Variants in PDE7A observed in about 807,000 individuals in gnomAD.
The protein encoded by PDE7A is phosphodiesterase 7A.
A neutral mutation model predicts 64.3 loss-of-function variants in PDE7A; 39 were observed. The ratio of observed to expected loss-of-function variants is 0.61; its 90% confidence interval spans 0.47 to 0.79. The LOEUF (loss-of-function observed/expected upper bound fraction) is 0.79. Ranked by LOEUF, PDE7A falls within the 30% of genes least tolerant of loss-of-function variation. PDE7A has a pLI of 0.00. For missense variants in PDE7A, 470 were observed against 582.8 expected, an observed-to-expected ratio of 0.81 and a Z score of 1.99; for synonymous variants, 203 against 206.8, an observed-to-expected ratio of 0.98 and a Z score of 0.16.
intron 3 of PDE7A, among the ~76,000 whole-genome samples, chr8:65,750,474 C>CTGTGTGTGTGTGTGTGTG (rs371620919): frequency 8.0e-4 from 114 of 142,710 alleles, no homozygotes; most frequent in Non-Finnish European, 9.3e-4. Context: ...ATTAGAATCA[C>CTGTGTGTGTGTGTGTGTG]TGTGTGTGTG....
chr8:65,743,326 T>G (rs540000228), intron 5 of PDE7A, among the ~76,000 whole-genome samples: 1 of 152,284 alleles, frequency 6.6e-6, no homozygotes, highest in East Asian at 1.9e-4. Flanking sequence ...AGGCTAACTG[T>G]GTAAATGATA....
chr8:65,800,381 T>C (rs1040743486), intron 1 of PDE7A, among the ~76,000 whole-genome samples: 3 of 152,226 alleles, frequency 2.0e-5, no homozygotes, highest in Non-Finnish European at 4.4e-5. Flanking sequence ...ACCTGCAACA[T>C]GTAAGCCCCT....
intron 3 of PDE7A, among the ~76,000 whole-genome samples, chr8:65,773,625 A>G (rs905188911): frequency 6.6e-6 from 1 of 152,176 alleles, no homozygotes; most frequent in African/African-American, 2.4e-5. Flanking sequence ...TTATCTCTTA[A>G]AAGGAATATT....
At chr8:65,733,012 G>A (rs532371090) in intron 7 of PDE7A, among the ~76,000 whole-genome samples, 4 of 152,016 alleles carry the variant, frequency 2.6e-5, no homozygotes, top group Admixed American at 2.0e-4. Flanking sequence ...CCCAGTCCTG[G>A]GTGACTCCAT....
intron 1 of PDE7A, among the ~76,000 whole-genome samples, chr8:65,827,051 T>C (rs1205671343): frequency 6.6e-6 from 1 of 152,174 alleles, no homozygotes; most frequent in African/African-American, 2.4e-5. Context: ...CTTAACTACA[T>C]TTGCAAAGAC....
At chr8:65,807,380 G>A (rs556736422) in intron 1 of PDE7A, among the ~76,000 whole-genome samples, 48 of 152,254 alleles carry the variant, frequency 3.2e-4, no homozygotes, top group Middle Eastern at 3.4e-3. Context: ...TGTTGATCTT[G>A]CATCCTGCAA....
intron 1 of PDE7A, among the ~76,000 whole-genome samples, chr8:65,798,394 G>A (rs1210317602): frequency 6.6e-6 from 1 of 151,696 alleles, no homozygotes; most frequent in African/African-American, 2.4e-5. Flanking sequence ...ATTTTTACTA[G>A]AGATGGGGTT....
chr8:65,719,368 T>C lies in PDE7A; in HGVS notation c.1371A>G (p.Glu457=), dbSNP rs200857308. The C allele has an allele frequency of 5.6e-6, 9 of 1,613,876 alleles. No individual in the cohort carries two copies. The highest frequency in any genetic ancestry group is 1.6e-4 in the Middle Eastern group (1 of 6,084). The change falls in exon 13 of 13, where the codon GAA becomes GAG. Residue 457 remains glutamate (E), a synonymous_variant. Transcript: ENST00000401827. The part of the protein sequence containing the change: ...NKASWKGLQR[E]QSSSEDTDAA... Reference sequence around the variant, plus strand: ...CATCAGTGTCCTCACTGCTCGACTGTTCTCTCTGCAGTCCCTTCCAGCTGG... The same window carrying C: ...CATCAGTGTCCTCACTGCTCGACTGCTCTCTCTGCAGTCCCTTCCAGCTGG...
intron 3 of PDE7A, among the ~76,000 whole-genome samples, chr8:65,766,062 C>T (rs1243878068): frequency 6.6e-6 from 1 of 152,206 alleles, no homozygotes; most frequent in Non-Finnish European, 1.5e-5. Flanking sequence ...TCTCCTGCCT[C>T]AGCCTCCCGA....
chr8:65,798,211 T>A (rs1252085537), intron 1 of PDE7A, among the ~76,000 whole-genome samples: 4 of 142,574 alleles, frequency 2.8e-5, no homozygotes, highest in Admixed American at 6.9e-5. Flanking sequence ...TATATATTTT[T>A]TTTTTTTTGA....
At chr8:65,770,398 G>A (rs1334508194) in intron 3 of PDE7A, among the ~76,000 whole-genome samples, 1 of 152,186 alleles carries the variant, frequency 6.6e-6, no homozygotes. Flanking sequence ...GTGAATGAGA[G>A]CCAAGCAAAA....
In PDE7A at chr8:65,745,551, A is replaced by G. The variant is rs545080724; in HGVS notation, c.436-81T>C. On this transcript the variant is annotated intron_variant, in intron 4 of 12. Coordinates refer to ENST00000401827, the MANE Select transcript of PDE7A (RefSeq NM_001242318.3). ...TGGAGATATTCCATAGAGAAGTTAA[A>G]GAAAATGTAAAGTGATTGATTTACT... 340 of 779,198 alleles carry G rather than the reference A, an allele frequency of 4.4e-4. 7 individuals carry two copies. In the South Asian group the frequency reaches 5.2e-3, roughly 12 times the overall value. The allele number at this position is 779,198 out of a possible 1,614,324, so 48.3% of individuals were successfully genotyped here. A position where few individuals can be genotyped will look rare whatever the true frequency, so the allele number is the denominator to read the frequency against.
At chr8:65,727,353 T>C in intron 7 of PDE7A, 52 bp from the exon 8 acceptor site, 1 of 1,604,042 alleles carries the variant, frequency 6.2e-7, no homozygotes, top group Non-Finnish European at 8.5e-7. Context: ...AAATAAGCTC[T>C]ACGCCATCAC....
intron 1 of PDE7A, among the ~76,000 whole-genome samples, chr8:65,799,827 TCA>T (rs1809947003): frequency 6.6e-6 from 1 of 152,168 alleles, no homozygotes; most frequent in African/African-American, 2.4e-5. Flanking sequence ...ACCTTTAGGC[TCA>T]CAGACAGAAA....
intron 4 of PDE7A, among the ~76,000 whole-genome samples, chr8:65,746,433 T>C (rs1231156936): frequency 6.6e-6 from 1 of 152,194 alleles, no homozygotes; most frequent in Non-Finnish European, 1.5e-5. Flanking sequence ...CTTATGGATA[T>C]GTATTTATAT....
intron 1 of PDE7A, among the ~76,000 whole-genome samples, chr8:65,817,992 T>A (rs1810454611): frequency 6.6e-6 from 1 of 152,094 alleles, no homozygotes. Context: ...GACCTCGTGA[T>A]CCGCCCGCCT....
In PDE7A at chr8:65,718,416, A is replaced by G. The variant is rs1806232797; in HGVS notation, c.*874T>C. ...TTATTTCAGATTGGCAAATACCCTG[A>G]GCTGATTATGGTGTTTTAAACATTC... is the stretch of plus-strand genomic sequence containing the variant. On this transcript the variant is annotated 3_prime_UTR_variant, in exon 13 of 13. Transcript: ENST00000401827. The G allele has an allele frequency of 6.6e-6, 1 of 152,202 alleles. No homozygotes were observed. The allele number at this position is 152,202 out of a possible 1,614,324, so 9.4% of individuals were successfully genotyped here. A position where few individuals can be genotyped will look rare whatever the true frequency, so the allele number is the denominator to read the frequency against.
chr8:65,735,855 C>A (rs917511168), intron 6 of PDE7A, among the ~76,000 whole-genome samples: 1 of 151,796 alleles, frequency 6.6e-6, no homozygotes, highest in Non-Finnish European at 1.5e-5. Context: ...TAACTCCTGA[C>A]CTCAGGTGAT....
At chr8:65,745,539 T>C (rs761172931) in intron 4 of PDE7A, 69 bp from the exon 5 acceptor site, 28 of 844,614 alleles carry the variant, frequency 3.3e-5, no homozygotes, top group Non-Finnish European at 5.1e-5. Context: ...AGATATTCCA[T>C]AGAGAAGTTA....
Sources: allele counts gnomAD v4.1 joint callset (sites outside exome capture counted in the v4.1 genomes callset), GRCh38; gene constraint gnomAD v4.1.1; transcripts MANE v1.5; gene names NCBI Gene and HGNC (gene_info 2026-07-23, HGNC 2026-07-21).